Variants in RPH3A observed in about 807,000 individuals in gnomAD.
RPH3A encodes the protein rabphilin-3A.
Under a neutral mutation model 102.2 loss-of-function variants are expected in RPH3A, and 48 were observed. The observed-to-expected ratio is 0.47, with a 90% confidence interval of 0.37 to 0.60. The LOEUF (loss-of-function observed/expected upper bound fraction) is 0.60, where lower values mean the gene tolerates loss of function less well. Ranked by LOEUF, RPH3A falls within the 20% of genes least tolerant of loss-of-function variation. RPH3A has a pLI of 0.00. For missense variants in RPH3A, 781 were observed against 910.1 expected, an observed-to-expected ratio of 0.86 and a Z score of 1.83; for synonymous variants, 310 against 324.3, an observed-to-expected ratio of 0.96 and a Z score of 0.47.
chr12:112,894,986 GTTC>G (rs2043155958), intron 20 of RPH3A, among the ~76,000 whole-genome samples: 1 of 151,858 alleles, frequency 6.6e-6, no homozygotes, highest in South Asian at 2.1e-4. Context: ...GGGGGTGGGG[GTTC>G]TTCTTTGTTT....
In RPH3A at chr12:112,895,863, T is replaced by C. The variant is rs754205233; in HGVS notation, c.1944T>C (p.Asn648=). The change falls in exon 21 of 22, where the codon AAT becomes AAC. Residue 648 remains asparagine (N), a synonymous_variant. Transcript: ENST00000389385. ...SVWDYDIGKS[N]DYIGGCQLGI... ...GGGACTATGACATCGGCAAGTCCAA[T>C]GATTACATCGGTGAGTGTTCCTAAC... The C allele has an allele frequency of 2.8e-5, 45 of 1,611,136 alleles. No individual in the cohort carries two copies. Among genetic ancestry groups the C allele is most frequent in the Non-Finnish European group, 3.5e-5 (41 of 1,177,634 alleles).
chr12:112,716,098 CG>C (rs1469188349), intron 1 of RPH3A, among the ~76,000 whole-genome samples: 1 of 152,108 alleles, frequency 6.6e-6, no homozygotes, highest in Non-Finnish European at 1.5e-5. Context: ...TGAGGATGAC[CG>C]GAGGTTACTT....
chr12:112,649,691 T>A lies in RPH3A; in HGVS notation c.-140+74372T>A, dbSNP rs1215463994. Among the ~76,000 whole-genome samples the A allele has an allele frequency of 2.0e-5, 3 of 152,236 alleles. No individual in the cohort carries two copies. The East Asian group carries it at 5.8e-4, about 29-fold the overall frequency. On this transcript the variant is annotated intron_variant, in intron 1 of 21. Transcript: ENST00000543106. ...CATTTTGTTTTATTCACCATTTGTA[T>A]TAGCCTGTTACGGCTGCCATAACAA...
chr12:112,842,451 C>G (rs1286400894), intron 4 of RPH3A, among the ~76,000 whole-genome samples: 1 of 152,150 alleles, frequency 6.6e-6, no homozygotes, highest in Non-Finnish European at 1.5e-5. Flanking sequence ...GCTATGTAAC[C>G]TGTTCCTAAG....
chr12:112,791,878 G>GAGAGAGAGAC lies in RPH3A; in HGVS notation c.-265_-264insCAGAGAGAGA. The GAGAGAGAGAC allele has an allele frequency of 6.8e-6, 1 of 147,332 alleles. No individual in the cohort carries two copies. The highest frequency in any genetic ancestry group is 6.7e-5 in the Admixed American group (1 of 14,848). The allele number at this position is 147,332 out of a possible 1,614,324, so 9.1% of individuals were successfully genotyped here. The stretch of plus-strand genomic sequence containing the variant: ...AAGGAAGGGAGAAGGGAGAGAGAGA[G>GAGAGAGAGAC]AGAGAGAGAGAGAGAGAGAGAGAGA... On this transcript the variant is annotated 5_prime_UTR_variant, in exon 1 of 22. Coordinates refer to ENST00000389385, the MANE Select transcript of RPH3A (RefSeq NM_001143854.2).
At chr12:112,883,235 T>G in intron 15 of RPH3A, 58 bp from the exon 16 acceptor site, 1 of 1,367,588 alleles carries the variant, frequency 7.3e-7, no homozygotes, top group Non-Finnish European at 1.0e-6. Context: ...AACGATGGGG[T>G]TCCAGGACTG....
At chr12:112,862,452 A>G (rs992081886) in intron 5 of RPH3A, among the ~76,000 whole-genome samples, 2 of 152,230 alleles carry the variant, frequency 1.3e-5, no homozygotes, top group African/African-American at 4.8e-5. Flanking sequence ...AATAAAATTT[A>G]AATAAAAAGC....
intron 2 of RPH3A, among the ~76,000 whole-genome samples, chr12:112,798,819 T>C (rs1178707920): frequency 6.6e-6 from 1 of 152,020 alleles, no homozygotes; most frequent in Non-Finnish European, 1.5e-5. Flanking sequence ...CCTTGCAGTC[T>C]CTCTTTTCTC....
intron 1 of RPH3A, among the ~76,000 whole-genome samples, chr12:112,721,249 G>A (rs1052660713): frequency 6.6e-6 from 1 of 152,132 alleles, no homozygotes; most frequent in Non-Finnish European, 1.5e-5. Context: ...GACATTAGCC[G>A]CCATGAAAAT....
At chr12:112,800,485 G>A (rs771959416) in intron 2 of RPH3A, among the ~76,000 whole-genome samples, 2 of 152,144 alleles carry the variant, frequency 1.3e-5, no homozygotes, top group South Asian at 2.1e-4. Context: ...GTCTGGGTTC[G>A]ATTTTATTTT....
chr12:112,689,438 A>G (rs1310200703), intron 1 of RPH3A, among the ~76,000 whole-genome samples: 1 of 152,240 alleles, frequency 6.6e-6, no homozygotes, highest in Non-Finnish European at 1.5e-5. Context: ...TTAAAGCACT[A>G]TGAAGACCGT....
At chr12:112,604,465 C>T (rs1566225399) in intron 1 of RPH3A, among the ~76,000 whole-genome samples, 1 of 152,158 alleles carries the variant, frequency 6.6e-6, no homozygotes, top group East Asian at 1.9e-4. Flanking sequence ...ACATGCCAGG[C>T]ATTTGCTAGA....
intron 1 of RPH3A, among the ~76,000 whole-genome samples, chr12:112,682,765 A>C (rs1814225437): frequency 6.6e-6 from 1 of 152,320 alleles, no homozygotes; most frequent in South Asian, 2.1e-4. Flanking sequence ...ATACATTCCC[A>C]GGAACAATGG....
rs746728163 is a variant in RPH3A, at chr12:112,876,680, C to T, written c.985C>T (p.Arg329Ter). 1.9e-6 allele frequency: 3 copies of T among 1,612,968 alleles called. No homozygotes were observed. Among genetic ancestry groups the T allele is most frequent in the South Asian group, 1.1e-5 (1 of 90,776 alleles). Residue 329 changes from arginine to a stop codon, truncating the protein, a stop_gained, in exon 13 of 22, where the codon CGA becomes TGA. Coordinates refer to ENST00000389385, the MANE Select transcript of RPH3A (RefSeq NM_001143854.2). LOFTEE classifies it high-confidence loss of function. ...CGACCCTGGGACCACTGCCCCACCC[C>T]GAGAGGAGAGAACAGGGGGAGTCGG... ...PSDPGTTAPPREERTGGVGGY... is the reference protein window; with the variant it reads ...PSDPGTTAPP
chr12:112,848,106 G>C (rs1280656928), intron 5 of RPH3A, among the ~76,000 whole-genome samples: 1 of 152,170 alleles, frequency 6.6e-6, no homozygotes, highest in East Asian at 1.9e-4. Flanking sequence ...TTGGCTGGGG[G>C]TGCATTGAAG....
At chr12:112,587,001 C>T (rs1191992190) in intron 1 of RPH3A, among the ~76,000 whole-genome samples, 2 of 152,218 alleles carry the variant, frequency 1.3e-5, no homozygotes, top group African/African-American at 4.8e-5. Context: ...TAGGAATTTA[C>T]ATTTCTGAGC....
intron 20 of RPH3A, 24 bp downstream of exon 20, chr12:112,894,683 A>T (rs996023233): frequency 1.4e-5 from 23 of 1,604,702 alleles, no homozygotes; most frequent in Non-Finnish European, 2.0e-5. Flanking sequence ...ATTCTTTTTC[A>T]TGCTCTGGGA....
intron 5 of RPH3A, among the ~76,000 whole-genome samples, chr12:112,860,265 A>C (rs2042484874): frequency 6.6e-6 from 1 of 152,218 alleles, no homozygotes; most frequent in East Asian, 1.9e-4. Context: ...CTCAGGGAGA[A>C]GGAAGATCTG....
intron 1 of RPH3A, among the ~76,000 whole-genome samples, chr12:112,739,061 T>C (rs1459405940): frequency 6.6e-6 from 1 of 152,058 alleles, no homozygotes; most frequent in Non-Finnish European, 1.5e-5. Flanking sequence ...TTAATGAACT[T>C]GGATAGGTTT....
Sources: gnomAD v4.1 joint callset for allele counts (sites outside exome capture counted in the v4.1 genomes callset) on GRCh38, gnomAD v4.1.1 for gene constraint, MANE v1.5 for transcripts, NCBI Gene and HGNC (gene_info 2026-07-23, HGNC 2026-07-21) for gene names.